Variants in COL28A1 observed in about 807,000 individuals in gnomAD.
COL28A1 encodes collagen alpha-1(XXVIII) chain.
COL28A1 carries 161 observed loss-of-function variants against 150.2 expected under a neutral mutation model. The observed-to-expected ratio is 1.07, with a 90% CI of 0.94 to 1.22. The LOEUF (loss-of-function observed/expected upper bound fraction) is 1.22, where lower values mean the gene tolerates loss of function less well. COL28A1 is among the 50% of genes most tolerant of loss of function. The pLI, the probability that COL28A1 is intolerant of heterozygous loss-of-function variation, is 0.00. For synonymous variants in COL28A1, 552 were observed against 469.7 expected, an observed-to-expected ratio of 1.18 and a Z score of -2.26; for missense variants, 1,617 against 1,388.3, an observed-to-expected ratio of 1.16 and a Z score of -2.62.
chr7:7,422,091 C>A (rs1784411297), intron 25 of COL28A1, among the ~76,000 whole-genome samples: 1 of 152,244 alleles, frequency 6.6e-6, no homozygotes, highest in African/African-American at 2.4e-5. Flanking sequence ...TCCAACTACA[C>A]CTGACTGATT....
chr7:7,432,507 A>G lies in COL28A1; in HGVS notation c.1964T>C (p.Met655Thr). ...AGTGTCTCCCACTCCACGTAAACCC[A>G]TCGGCCCAGGGGGTCCTGGTAATCC... Reference protein sequence around the residue: ...PRGLPGPPGPMGLRGVGDTGA... With the variant: ...PRGLPGPPGPTGLRGVGDTGA... Residue 655 changes from methionine (M) to threonine (T), a missense_variant, in exon 25 of 35, where the codon ATG becomes ACG. Met to Thr is a moderately conservative substitution (Grantham distance 81). Coordinates refer to ENST00000399429, the MANE Select transcript of COL28A1 (RefSeq NM_001037763.3). The G allele has an allele frequency of 1.2e-6, 2 of 1,614,102 alleles. No homozygotes were observed. Among genetic ancestry groups the G allele is most frequent in the Non-Finnish European group, 8.5e-7 (1 of 1,180,002 alleles).
chr7:7,405,533 A>T (rs1256504736), intron 27 of COL28A1, among the ~76,000 whole-genome samples: 1 of 152,200 alleles, frequency 6.6e-6, no homozygotes, highest in Non-Finnish European at 1.5e-5. Flanking sequence ...TTTAAGAGGT[A>T]CCATTTAAAG....
intron 25 of COL28A1, 142 bp downstream of exon 25, chr7:7,432,331 C>T: frequency 1.5e-6 from 1 of 651,522 alleles, no homozygotes; most frequent in African/African-American, 1.8e-5. Context: ...CCCAGGAAGT[C>T]TATAGATAAG....
At chr7:7,474,070 A>AATATATATATATATATATGGAATAT (rs1554281248) in intron 15 of COL28A1, among the ~76,000 whole-genome samples, 12 of 143,072 alleles carry the variant, frequency 8.4e-5, no homozygotes, top group African/African-American at 3.1e-4. Flanking sequence ...ATATATATGG[A>AATATATATATATATATATGGAATAT]ATATATATAT....
At chr7:7,503,135 A>T (rs1780627759) in intron 11 of COL28A1, among the ~76,000 whole-genome samples, 1 of 152,200 alleles carries the variant, frequency 6.6e-6, no homozygotes, top group African/African-American at 2.4e-5. Flanking sequence ...TTTCAGGCCA[A>T]ATATTCAGGA....
chr7:7,494,394 T>C (rs966204015), intron 11 of COL28A1, among the ~76,000 whole-genome samples: 6 of 152,320 alleles, frequency 3.9e-5, no homozygotes, highest in African/African-American at 1.4e-4. Context: ...ACCATGGCTT[T>C]GAATCATTTG....
At chr7:7,528,193 T>A (rs1431097397) in intron 3 of COL28A1, among the ~76,000 whole-genome samples, 1 of 152,210 alleles carries the variant, frequency 6.6e-6, no homozygotes, top group East Asian at 1.9e-4. Flanking sequence ...GCTTTTTAAA[T>A]ACTTAACATC....
intron 6 of COL28A1, among the ~76,000 whole-genome samples, chr7:7,519,603 A>C (rs531889052): frequency 6.6e-6 from 1 of 152,322 alleles, no homozygotes; most frequent in East Asian, 1.9e-4. Flanking sequence ...AGGTACACAG[A>C]GAAAAGAATT....
At chr7:7,400,975 G>GGTGTGTGTGTGTGTGTGTGT (rs60064708) in intron 27 of COL28A1, among the ~76,000 whole-genome samples, 12 of 119,128 alleles carry the variant, frequency 1.0e-4, no homozygotes, top group East Asian at 2.5e-4. Context: ...TGGGTATTTG[G>GGTGTGTGTGTGTGTGTGTGT]GTGTGTGTGT....
At chr7:7,430,618 T>C (rs956995162) in intron 25 of COL28A1, among the ~76,000 whole-genome samples, 2 of 152,234 alleles carry the variant, frequency 1.3e-5, no homozygotes, top group Admixed American at 1.3e-4. Flanking sequence ...CTAGTATATA[T>C]TTAACATATT....
At chr7:7,442,307 T>C in intron 20 of COL28A1, among the ~76,000 whole-genome samples, 1 of 152,240 alleles carries the variant, frequency 6.6e-6, no homozygotes, top group East Asian at 1.9e-4. Context: ...GTTCTCCAGC[T>C]ACCTCACAAT....
chr7:7,400,816 T>G (rs749912601), intron 27 of COL28A1, among the ~76,000 whole-genome samples: 5 of 152,158 alleles, frequency 3.3e-5, no homozygotes, highest in Non-Finnish European at 7.3e-5. Flanking sequence ...CTTTTTAAAA[T>G]TTCTTATTTT....
intron 9 of COL28A1, among the ~76,000 whole-genome samples, chr7:7,510,005 G>A (rs1781035373): frequency 6.6e-6 from 1 of 151,890 alleles, no homozygotes; most frequent in South Asian, 2.1e-4. Flanking sequence ...AGTTTCATGG[G>A]CCAAAGTCAT....
chr7:7,525,796 T>C (rs754382755), intron 3 of COL28A1, among the ~76,000 whole-genome samples: 1 of 152,222 alleles, frequency 6.6e-6, no homozygotes, highest in Non-Finnish European at 1.5e-5. Context: ...GTTTCAACAA[T>C]TAACTAGCTA....
chr7:7,470,908 C>A (rs1345095765), intron 15 of COL28A1, among the ~76,000 whole-genome samples: 2 of 120,992 alleles, frequency 1.7e-5, no homozygotes, highest in Non-Finnish European at 3.2e-5. Flanking sequence ...GGGAATTGAA[C>A]AATGAGATCA....
At chr7:7,433,746 G>A (rs745461685) in intron 23 of COL28A1, among the ~76,000 whole-genome samples, 1 of 151,218 alleles carries the variant, frequency 6.6e-6, no homozygotes, top group East Asian at 1.9e-4. Context: ...CCGATCTGTT[G>A]TTGATGACTC....
At chr7:7,402,489 T>A (rs999198731) in intron 27 of COL28A1, among the ~76,000 whole-genome samples, 1 of 152,028 alleles carries the variant, frequency 6.6e-6, no homozygotes, top group Non-Finnish European at 1.5e-5. Context: ...CATGTAGTAA[T>A]TGTATCATAT....
At chr7:7,533,894 G>C (rs1046085618) in intron 1 of COL28A1, among the ~76,000 whole-genome samples, 3 of 152,110 alleles carry the variant, frequency 2.0e-5, no homozygotes, top group Admixed American at 1.3e-4. Context: ...CTTGCCTGCT[G>C]AAACTTTATT....
At chr7:7,344,841 T>A in the COL28A1 span, among the ~76,000 whole-genome samples, 1 of 152,098 alleles carries the variant, frequency 6.6e-6, no homozygotes, top group African/African-American at 2.4e-5. Context: ...GGCTGAACGC[T>A]TTTTTCTGAC....
Sources: gnomAD v4.1 joint callset for allele counts (sites outside exome capture counted in the v4.1 genomes callset) on GRCh38, gnomAD v4.1.1 for gene constraint, MANE v1.5 for transcripts, NCBI Gene and HGNC (gene_info 2026-07-23, HGNC 2026-07-21) for gene names.